STK32B: variants seen among roughly 807,000 people sequenced by gnomAD.
The protein encoded by STK32B is serine/threonine-protein kinase 32B.
In STK32B, 43 loss-of-function variants were observed where a neutral mutation model predicts 52.6. The ratio of observed to expected loss-of-function variants is 0.82; its 90% CI spans 0.64 to 1.05. The LOEUF is 1.05. STK32B is among the 50% of genes least tolerant of loss of function. The pLI is 0.00. For synonymous variants in STK32B, 238 were observed against 204.3 expected (o/e 1.17, Z -1.41); for missense variants, 621 against 534.6 (o/e 1.16, Z -1.59).
chr4:5,114,385 T>C (rs767703643), intron 1 of STK32B, among the ~76,000 whole-genome samples: 4 of 152,020 alleles, frequency 2.6e-5, no homozygotes, highest in South Asian at 4.1e-4. Context: ...CATCTTCTTA[T>C]AGCACCCCTT....
At chr4:5,201,687 C>G (rs570902333) in intron 3 of STK32B, among the ~76,000 whole-genome samples, 2 of 152,136 alleles carry the variant, frequency 1.3e-5, no homozygotes, top group Non-Finnish European at 2.9e-5. Context: ...AACTTACAAT[C>G]GTGGCAGAAG....
intron 3 of STK32B, among the ~76,000 whole-genome samples, chr4:5,303,630 G>T (rs1005272465): frequency 2.6e-5 from 4 of 151,986 alleles, no homozygotes; most frequent in Admixed American, 2.0e-4. Context: ...TCACTCTATG[G>T]GTTCTCTGTT....
chr4:5,405,582 C>T (rs993796202), intron 5 of STK32B, among the ~76,000 whole-genome samples: 1 of 152,110 alleles, frequency 6.6e-6, no homozygotes, highest in Admixed American at 6.5e-5. Context: ...CACAATTCCA[C>T]AGGCTGTTCA....
chr4:5,324,900 T>C (rs1293447253), intron 3 of STK32B, among the ~76,000 whole-genome samples: 1 of 152,198 alleles, frequency 6.6e-6, no homozygotes, highest in Admixed American at 6.5e-5. Context: ...TGAGCACTCA[T>C]GTGCCGACTT....
At chr4:5,234,877 G>A (rs1724519159) in intron 3 of STK32B, among the ~76,000 whole-genome samples, 1 of 152,346 alleles carries the variant, frequency 6.6e-6, no homozygotes, top group Admixed American at 6.5e-5. Flanking sequence ...CAACGAATTT[G>A]AAATAATTTA....
chr4:5,226,623 A>G (rs1004754457), intron 3 of STK32B, among the ~76,000 whole-genome samples: 1 of 152,212 alleles, frequency 6.6e-6, no homozygotes, highest in Admixed American at 6.5e-5. Flanking sequence ...CAACTGTCAG[A>G]GTTTTTCAAT....
Position 5,467,673 on chromosome 4 carries a change from G to A in STK32B, c.1042-333G>A, listed in dbSNP as rs965942710. ...ATGCAAGTGGAGCCCCTGGCATCAT[G>A]GTTGTGAATTTCTGGTTTTCCATGC... On this transcript the variant is annotated intron_variant, in intron 10 of 11. Coordinates refer to ENST00000282908, the MANE Select transcript of STK32B (RefSeq NM_018401.3). The surrounding 1 kb of genome is among the most constrained non-coding windows in gnomAD (Gnocchi z 5.8). Among the ~76,000 whole-genome samples, 3 of 152,182 alleles carry A rather than the reference G, an allele frequency of 2.0e-5. No individual in the cohort carries two copies. Among genetic ancestry groups the A allele is most frequent in the Non-Finnish European group, 4.4e-5 (3 of 68,032 alleles).
In STK32B at chr4:5,165,290, G is replaced by C. The variant is rs533127990; in HGVS notation, c.109-3009G>C. Among the ~76,000 whole-genome samples the C allele has an allele frequency of 5.9e-5, 9 of 152,210 alleles. No homozygotes were observed. The South Asian group carries it at 1.9e-3, about 32-fold the overall frequency. On this transcript the variant is annotated intron_variant, in intron 2 of 11. Transcript: ENST00000282908. Reference sequence around the variant, plus strand: ...TATCCTGTATCAACCGCCTGCTTTTGCTTGTATTGAAAAGTCAAACTTCCA... The same window carrying C: ...TATCCTGTATCAACCGCCTGCTTTTCCTTGTATTGAAAAGTCAAACTTCCA...
At chr4:5,176,196 T>C (rs1032342045) in intron 3 of STK32B, among the ~76,000 whole-genome samples, 14 of 152,204 alleles carry the variant, frequency 9.2e-5, no homozygotes, top group Admixed American at 4.6e-4. Flanking sequence ...AGGTGCCGGC[T>C]GTTACCCCTT....
At chr4:5,223,532 A>G (rs1723669626) in intron 3 of STK32B, among the ~76,000 whole-genome samples, 1 of 152,120 alleles carries the variant, frequency 6.6e-6, no homozygotes, top group African/African-American at 2.4e-5. Context: ...GATTATTCTC[A>G]GCCAGGCGCG....
At chr4:5,098,889 T>G (rs1208440099) in intron 1 of STK32B, among the ~76,000 whole-genome samples, 3 of 152,208 alleles carry the variant, frequency 2.0e-5, no homozygotes, top group African/African-American at 7.2e-5. Flanking sequence ...TGGAATATGT[T>G]GAGCACTACT....
the STK32B span, among the ~76,000 whole-genome samples, chr4:5,030,981 T>G: frequency 6.6e-6 from 1 of 152,110 alleles, no homozygotes; most frequent in African/African-American, 2.4e-5. Flanking sequence ...TTTAAATAAT[T>G]GTGGAAGCTC....
chr4:5,212,276 C>T (rs191325324), intron 3 of STK32B, among the ~76,000 whole-genome samples: 33 of 152,254 alleles, frequency 2.2e-4, no homozygotes, highest in African/African-American at 7.9e-4. Context: ...ACATGTCTAA[C>T]ATGACACAGC....
At chr4:5,486,735 G>C (rs1267750589) in intron 11 of STK32B, among the ~76,000 whole-genome samples, 3 of 152,214 alleles carry the variant, frequency 2.0e-5, no homozygotes, top group Non-Finnish European at 4.4e-5. Flanking sequence ...TAGGGGACTG[G>C]AGCTGGCTCC....
intron 1 of STK32B, among the ~76,000 whole-genome samples, chr4:5,138,542 G>A (rs1220980541): frequency 2.0e-5 from 3 of 152,152 alleles, no homozygotes; most frequent in Non-Finnish European, 2.9e-5. Flanking sequence ...CATTCCTCCT[G>A]TTAATGAATA....
At chr4:5,344,662 A>AT (rs1424266600) in intron 4 of STK32B, among the ~76,000 whole-genome samples, 1 of 147,584 alleles carries the variant, frequency 6.8e-6, no homozygotes, top group Non-Finnish European at 1.5e-5. Flanking sequence ...TGTTTTTTCC[A>AT]TTTTTTTCTT....
At chr4:5,203,908 G>A (rs566529122) in intron 3 of STK32B, among the ~76,000 whole-genome samples, 1 of 152,322 alleles carries the variant, frequency 6.6e-6, no homozygotes, top group Admixed American at 6.5e-5. Context: ...CCCATAGCCA[G>A]TGACTGGTGG....
In STK32B at chr4:5,491,497, G is replaced by A. The variant is rs1447834330; in HGVS notation, c.1107-7448G>A. On this transcript the variant is annotated intron_variant, in intron 11 of 11. Transcript: ENST00000282908. ...ATATTAGCCCTTTGTCAGATGAGTA[G>A]GTTGTGAAAATTTTCTCCCATTTTG... Among the ~76,000 whole-genome samples, 9 of 151,936 alleles carry A rather than the reference G, an allele frequency of 5.9e-5. No homozygotes were observed. In the South Asian group the frequency reaches 6.2e-4, roughly 11 times the overall value.
chr4:5,019,463 C>T, the STK32B span: 4 of 1,445,582 alleles, frequency 2.8e-6, no homozygotes, highest in Non-Finnish European at 2.7e-6. Flanking sequence ...GGCGCTGGTG[C>T]AGCCTCGCCG....
Sources: gnomAD v4.1 joint callset for allele counts (sites outside exome capture counted in the v4.1 genomes callset) on GRCh38, gnomAD v4.1.1 for gene constraint, Gnocchi (gnomAD v3.1) non-coding constraint, MANE v1.5 for transcripts, NCBI Gene and HGNC (gene_info 2026-07-23, HGNC 2026-07-21) for gene names.